Variants in LDAH observed in about 807,000 individuals in gnomAD.
The protein encoded by LDAH is lipid droplet associated hydrolase.
In LDAH, 26 loss-of-function variants were observed where a neutral mutation model predicts 29.6. The ratio of observed to expected loss-of-function variants is 0.88; its 90% confidence interval spans 0.64 to 1.22. LDAH has a LOEUF of 1.22. Among genes scored for constraint, LDAH ranks in the 50% most tolerant of loss-of-function variants. The pLI is 0.00. For missense variants in LDAH, 344 were observed against 387.3 expected, an observed-to-expected ratio of 0.89 and a Z score of 0.94; for synonymous variants, 117 against 133.0, an observed-to-expected ratio of 0.88 and a Z score of 0.83.
chr2:20,817,634 C>T (rs1361645593), intron 1 of LDAH, among the ~76,000 whole-genome samples: 2 of 152,056 alleles, frequency 1.3e-5, no homozygotes, highest in African/African-American at 2.4e-5. Context: ...CATACACTTA[C>T]CATATGACTT....
At chr2:20,699,484 G>T (rs1248409682) in intron 6 of LDAH, among the ~76,000 whole-genome samples, 1 of 152,106 alleles carries the variant, frequency 6.6e-6, no homozygotes, top group African/African-American at 2.4e-5. Context: ...GAAACAAAAA[G>T]TTGCAATAAA....
intron 6 of LDAH, among the ~76,000 whole-genome samples, chr2:20,697,110 C>CACGG (rs140498792): frequency 0.065 from 9,888 of 152,148 alleles, 427 homozygotes; most frequent in East Asian, 0.13. Flanking sequence ...GCCTGCCAGA[C>CACGG]ACGGATCCAC....
At chr2:20,807,966 T>C (rs141570802) in intron 1 of LDAH, among the ~76,000 whole-genome samples, 2 of 151,780 alleles carry the variant, frequency 1.3e-5, no homozygotes, top group African/African-American at 4.8e-5. Flanking sequence ...ATATATTATT[T>C]GAATTAATAA....
At chr2:20,748,333 GGTT>G (rs1667720298) in intron 4 of LDAH, among the ~76,000 whole-genome samples, 1 of 152,010 alleles carries the variant, frequency 6.6e-6, no homozygotes, top group African/African-American at 2.4e-5. Context: ...TTCATGTCAC[GGTT>G]GTTAATAATA....
chr2:20,707,642 AT>A (rs1205894968), intron 5 of LDAH, among the ~76,000 whole-genome samples: 1 of 152,190 alleles, frequency 6.6e-6, no homozygotes, highest in Non-Finnish European at 1.5e-5. Flanking sequence ...GATCAGCACA[AT>A]TGTATGAGAA....
intron 1 of LDAH, among the ~76,000 whole-genome samples, chr2:20,819,277 T>TTTG (rs1673078606): frequency 6.6e-6 from 1 of 152,146 alleles, no homozygotes; most frequent in Non-Finnish European, 1.5e-5. Flanking sequence ...ATGCCAAGAA[T>TTTG]TTCACAAGTG....
intron 1 of LDAH, among the ~76,000 whole-genome samples, chr2:20,805,989 C>A (rs1672042760): frequency 6.6e-6 from 1 of 151,892 alleles, no homozygotes; most frequent in Non-Finnish European, 1.5e-5. Flanking sequence ...ATAAATAATA[C>A]ATCTTAATCA....
At chr2:20,802,204 C>T (rs1671756930) in intron 1 of LDAH, among the ~76,000 whole-genome samples, 1 of 151,914 alleles carries the variant, frequency 6.6e-6, no homozygotes, top group Non-Finnish European at 1.5e-5. Flanking sequence ...GGACTACAGG[C>T]ACGTACCACC....
At chr2:20,793,229 C>A (rs1477548190) in intron 2 of LDAH, among the ~76,000 whole-genome samples, 2 of 151,580 alleles carry the variant, frequency 1.3e-5, no homozygotes, top group East Asian at 1.9e-4. Context: ...AGTGTGAGAA[C>A]TCCTATAAAA....
intron 1 of LDAH, among the ~76,000 whole-genome samples, chr2:20,807,757 G>A (rs992717433): frequency 6.6e-6 from 1 of 151,548 alleles, no homozygotes; most frequent in African/African-American, 2.4e-5. Context: ...TTTACTAAGG[G>A]TAAAATATTG....
intron 5 of LDAH, among the ~76,000 whole-genome samples, chr2:20,701,954 C>G (rs1426910537): frequency 6.6e-6 from 1 of 152,076 alleles, no homozygotes; most frequent in African/African-American, 2.4e-5. Context: ...TTTACCAGAC[C>G]AATATGTGCT....
In LDAH at chr2:20,687,010, T is replaced by C; in HGVS notation, c.871A>G (p.Ile291Val). The change falls in exon 7 of 7, where the codon ATT becomes GTT. Residue 291 changes from isoleucine (I) to valine (V), a missense_variant. By Grantham distance (29) the Ile-to-Val change is conservative (BLOSUM62 3). Transcript: ENST00000237822. ...GGTATGTTTTTCTCACAGAGTCGAA[T>C]GTCTCCTTCTGGAAAATCCTTCTTA... Reference protein sequence around the residue: ...DIKKDFPEGDIRLCEKNIPHA... With the variant: ...DIKKDFPEGDVRLCEKNIPHA... 2 of 1,614,116 alleles carry C rather than the reference T, an allele frequency of 1.2e-6. No individual in the cohort carries two copies. Among genetic ancestry groups the C allele is most frequent in the Non-Finnish European group, 1.7e-6 (2 of 1,179,972 alleles).
chr2:20,769,113 C>T (rs1330380618), intron 4 of LDAH, among the ~76,000 whole-genome samples: 2 of 152,134 alleles, frequency 1.3e-5, no homozygotes, highest in Non-Finnish European at 2.9e-5. Context: ...TCTCCCCGTG[C>T]CCAGTGATGA....
At chr2:20,732,983 G>T (rs13027175) in intron 5 of LDAH, among the ~76,000 whole-genome samples, 3,510 of 152,098 alleles carry the variant, frequency 0.023, 41 homozygotes, top group Non-Finnish European at 0.031. Flanking sequence ...CATTCAAGAT[G>T]TGAGCCACTG....
intron 4 of LDAH, among the ~76,000 whole-genome samples, chr2:20,769,838 T>C (rs891678687): frequency 1.3e-5 from 2 of 152,136 alleles, no homozygotes; most frequent in African/African-American, 4.8e-5. Context: ...TGTTCATTCC[T>C]ACTGAAAAAA....
At chr2:20,803,299 C>T (rs987052434) in intron 1 of LDAH, among the ~76,000 whole-genome samples, 1 of 152,162 alleles carries the variant, frequency 6.6e-6, no homozygotes, top group African/African-American at 2.4e-5. Flanking sequence ...CTTTCTTTCT[C>T]CAGCTCTCTA....
At chr2:20,780,738 T>C (rs112062955) in intron 3 of LDAH, among the ~76,000 whole-genome samples, 22 of 152,300 alleles carry the variant, frequency 1.4e-4, no homozygotes, top group African/African-American at 4.1e-4. Context: ...CTGGGACTCT[T>C]AACAATTTGC....
rs1264009193 is a variant in LDAH, at chr2:20,704,247, T to G, written c.704-2595A>C. On this transcript the variant is annotated intron_variant, in intron 5 of 6. Coordinates refer to ENST00000237822, the MANE Select transcript of LDAH (RefSeq NM_021925.4). The stretch of plus-strand genomic sequence containing the variant: ...TCTGTGATATTAGCATGAGTACATA[T>G]AGGAGTAAATATTCTGCATTTTCTT... 2.6e-5 allele frequency among the ~76,000 whole-genome samples: 4 copies of G among 152,210 alleles called. No individual in the cohort carries two copies. In the East Asian group the frequency reaches 5.8e-4, roughly 22 times the overall value.
intron 5 of LDAH, among the ~76,000 whole-genome samples, chr2:20,731,737 G>A (rs560183203): frequency 6.6e-6 from 1 of 152,064 alleles, no homozygotes; most frequent in Admixed American, 6.5e-5. Context: ...TATTGCTAGT[G>A]TATGCAAATA....
Sources: allele counts gnomAD v4.1 joint callset (sites outside exome capture counted in the v4.1 genomes callset), GRCh38; gene constraint gnomAD v4.1.1; transcripts MANE v1.5; gene names NCBI Gene and HGNC (gene_info 2026-07-23, HGNC 2026-07-21).